Variants in ARHGAP26 observed in about 807,000 individuals in gnomAD.
The protein encoded by ARHGAP26 is Rho GTPase activating protein 26, also known as rho GTPase-activating protein 26.
Under a neutral mutation model 104.8 loss-of-function variants are expected in ARHGAP26, and 38 were observed. The ratio of observed to expected loss-of-function variants is 0.36; its 90% CI spans 0.28 to 0.48. ARHGAP26 has a LOEUF of 0.48. ARHGAP26 is among the 20% of genes least tolerant of loss of function. The probability of loss-of-function intolerance (pLI) is 0.99; values close to 1 mark genes in which losing one functional copy is unlikely to be tolerated. For missense variants in ARHGAP26, 704 were observed against 947.9 expected (o/e 0.74, Z 3.38); for synonymous variants, 341 against 340.0 (o/e 1.00, Z -0.03).
At chr5:143,219,153 T>G (rs1212284974) in intron 22 of ARHGAP26, among the ~76,000 whole-genome samples, 1 of 152,240 alleles carries the variant, frequency 6.6e-6, no homozygotes, top group African/African-American at 2.4e-5. Context: ...AGTTGGTCTC[T>G]GGAGTCAAAC....
At chr5:142,802,450 T>G (rs1035868840) in intron 1 of ARHGAP26, among the ~76,000 whole-genome samples, 3 of 152,220 alleles carry the variant, frequency 2.0e-5, no homozygotes. Flanking sequence ...AAACTGTGGC[T>G]TTAAGTAAAA....
intron 1 of ARHGAP26, among the ~76,000 whole-genome samples, chr5:142,866,063 A>G (rs1247963101): frequency 6.6e-6 from 1 of 151,506 alleles, no homozygotes; most frequent in Non-Finnish European, 1.5e-5. Context: ...GCCCCCTCCA[A>G]TGGCCCTAGC....
chr5:142,983,686 T>C (rs1774278329), intron 11 of ARHGAP26, among the ~76,000 whole-genome samples: 1 of 152,072 alleles, frequency 6.6e-6, no homozygotes, highest in African/African-American at 2.4e-5. Flanking sequence ...CAGTAGAAAA[T>C]GTGGAAAATA....
At chr5:142,946,650 G>A (rs1767152986) in intron 11 of ARHGAP26, 1 of 152,162 alleles carries the variant, frequency 6.6e-6, no homozygotes, top group Admixed American at 6.5e-5. Flanking sequence ...AGGACCTAGA[G>A]GCATTATGAG....
chr5:142,894,636 G>A (rs185039220), intron 6 of ARHGAP26, among the ~76,000 whole-genome samples: 84 of 152,338 alleles, frequency 5.5e-4, no homozygotes, highest in Middle Eastern at 3.4e-3. Context: ...GGAAATGGGA[G>A]TCCAGAGGGG....
chr5:143,053,740 T>C (rs1349124158), intron 14 of ARHGAP26, among the ~76,000 whole-genome samples: 1 of 152,216 alleles, frequency 6.6e-6, no homozygotes, highest in African/African-American at 2.4e-5. Context: ...AATACAAAAG[T>C]AATGGAATAA....
Position 143,227,030 on chromosome 5 carries a change from G to A in ARHGAP26, c.*4584G>A. 4.4e-6 allele frequency: 1 copy of A among 229,612 alleles called. No individual in the cohort carries two copies. Among genetic ancestry groups the A allele is most frequent in the East Asian group, 6.2e-5 (1 of 16,168 alleles). 14.2% of individuals were successfully genotyped at this position (229,612 alleles called of 1,614,324 possible). ...AGGCTCCAAAAGCATTCACAGTTGA[G>A]GGGGAGAAAGACAGAAAGAAGAAGC... On this transcript the variant is annotated 3_prime_UTR_variant, in exon 23 of 23. Coordinates refer to ENST00000645722, the MANE Select transcript of ARHGAP26 (RefSeq NM_001135608.3).
At chr5:142,809,166 C>T (rs1457758104) in intron 1 of ARHGAP26, among the ~76,000 whole-genome samples, 8 of 152,054 alleles carry the variant, frequency 5.3e-5, no homozygotes, top group South Asian at 2.1e-4. Flanking sequence ...ATAAAATGTG[C>T]GTTTTCAGTG....
chr5:143,036,170 A>G (rs768697177), intron 12 of ARHGAP26, among the ~76,000 whole-genome samples: 4 of 152,216 alleles, frequency 2.6e-5, no homozygotes, highest in Non-Finnish European at 5.9e-5. Context: ...CAAATCATCT[A>G]TAAATACTTG....
chr5:143,096,215 C>G (rs553524324), intron 17 of ARHGAP26, among the ~76,000 whole-genome samples: 7 of 152,330 alleles, frequency 4.6e-5, no homozygotes, highest in Admixed American at 1.3e-4. Context: ...TCTTCCAATG[C>G]AAACATATTA....
At chr5:142,962,038 G>A (rs1364540623) in intron 11 of ARHGAP26, among the ~76,000 whole-genome samples, 1 of 152,170 alleles carries the variant, frequency 6.6e-6, no homozygotes. Flanking sequence ...ATACTGCTGT[G>A]TTTGGTACTG....
chr5:142,937,077 A>G (rs920018757), intron 11 of ARHGAP26, among the ~76,000 whole-genome samples: 1 of 152,184 alleles, frequency 6.6e-6, no homozygotes, highest in African/African-American at 2.4e-5. Context: ...AAGAGGATGA[A>G]AAGGCAGTCT....
intron 11 of ARHGAP26, among the ~76,000 whole-genome samples, chr5:142,964,243 G>A (rs1174043239): frequency 1.3e-5 from 2 of 152,092 alleles, no homozygotes; most frequent in Non-Finnish European, 2.9e-5. Context: ...AATGTAAGTA[G>A]GCTTAATGCA....
chr5:142,930,561 T>G (rs1764563651), intron 10 of ARHGAP26, among the ~76,000 whole-genome samples: 1 of 152,030 alleles, frequency 6.6e-6, no homozygotes, highest in Non-Finnish European at 1.5e-5. Context: ...CGCCCACTCA[T>G]CTAGCTGCCC....
intron 7 of ARHGAP26, 101 bp from the exon 8 acceptor site, chr5:142,903,439 C>T: frequency 7.4e-7 from 1 of 1,343,474 alleles, no homozygotes. Flanking sequence ...GGTTGAATGT[C>T]CTTTATCTCA....
At chr5:143,122,850 A>G (rs1292683558) in intron 18 of ARHGAP26, among the ~76,000 whole-genome samples, 2 of 152,220 alleles carry the variant, frequency 1.3e-5, no homozygotes, top group Non-Finnish European at 2.9e-5. Context: ...AAGTAACTGC[A>G]TTTTGATTTG....
At chr5:143,101,168 G>A (rs1163068582) in intron 17 of ARHGAP26, among the ~76,000 whole-genome samples, 1 of 152,180 alleles carries the variant, frequency 6.6e-6, no homozygotes, top group African/African-American at 2.4e-5. Context: ...CTGAGAATGC[G>A]TCATATGCCA....
At chr5:143,160,456 G>C (rs1801082144) in intron 20 of ARHGAP26, among the ~76,000 whole-genome samples, 1 of 148,776 alleles carries the variant, frequency 6.7e-6, no homozygotes. Flanking sequence ...CCTTTACCAA[G>C]AAGTTGTTGC....
In ARHGAP26 at chr5:142,884,114, T is replaced by G. The variant is rs1394849335; in HGVS notation, c.385-1184T>G. 3.3e-5 allele frequency among the ~76,000 whole-genome samples: 5 copies of G among 152,236 alleles called. No homozygotes were observed. The East Asian group carries it at 9.6e-4, about 29-fold the overall frequency. On this transcript the variant is annotated intron_variant, in intron 4 of 22. Transcript: ENST00000645722. Reference sequence around the variant, plus strand: ...GGAATAATGTACCCAATTAGCAAATTTGATCCCGTTTATCAGCCAAGTGCC... The same window carrying G: ...GGAATAATGTACCCAATTAGCAAATGTGATCCCGTTTATCAGCCAAGTGCC...
Sources: allele counts gnomAD v4.1 joint callset (sites outside exome capture counted in the v4.1 genomes callset), GRCh38; gene constraint gnomAD v4.1.1; transcripts MANE v1.5; gene names NCBI Gene and HGNC (gene_info 2026-07-23, HGNC 2026-07-21).